RACGAP1: variants seen among roughly 807,000 people sequenced by gnomAD.
RACGAP1 encodes the protein rac GTPase-activating protein 1.
In RACGAP1, 30 loss-of-function variants were observed where a neutral mutation model predicts 78.1. The ratio of observed to expected loss-of-function variants is 0.38; its 90% confidence interval spans 0.29 to 0.52. The LOEUF is 0.52. Ranked by LOEUF, RACGAP1 falls within the 20% of genes least tolerant of loss-of-function variation. The probability of loss-of-function intolerance (pLI) is 0.82; values close to 1 mark genes in which losing one functional copy is unlikely to be tolerated. For synonymous variants in RACGAP1, 231 were observed against 264.8 expected, an observed-to-expected ratio of 0.87 and a Z score of 1.24; for missense variants, 587 against 777.1, an observed-to-expected ratio of 0.76 and a Z score of 2.91.
At chr12:50,030,797 T>TGA (rs1950325975) in intron 2 of RACGAP1, among the ~76,000 whole-genome samples, 3 of 152,032 alleles carry the variant, frequency 2.0e-5, no homozygotes, top group Admixed American at 6.5e-5. Flanking sequence ...TGTGTGTGTG[T>TGA]GAGACGGAGT....
intron 2 of RACGAP1, among the ~76,000 whole-genome samples, chr12:50,009,889 A>G (rs1395552383): frequency 6.6e-6 from 1 of 152,194 alleles, no homozygotes; most frequent in African/African-American, 2.4e-5. Context: ...ATCTTTTCCT[A>G]ATCAGTTTGC....
chr12:50,023,954 G>A (rs1051723975), intron 1 of RACGAP1, among the ~76,000 whole-genome samples: 1 of 152,072 alleles, frequency 6.6e-6, no homozygotes, highest in Non-Finnish European at 1.5e-5. Flanking sequence ...GAGGTCAGTA[G>A]ATCAAGACCA....
intron 2 of RACGAP1, among the ~76,000 whole-genome samples, chr12:50,012,286 C>T (rs1053053271): frequency 3.9e-5 from 6 of 151,996 alleles, no homozygotes; most frequent in South Asian, 4.1e-4. Context: ...AATTGCCAGG[C>T]GCGGTGGCTC....
At chr12:50,013,588 C>T (rs1173927554) in intron 2 of RACGAP1, among the ~76,000 whole-genome samples, 1 of 152,200 alleles carries the variant, frequency 6.6e-6, no homozygotes, top group Non-Finnish European at 1.5e-5. Flanking sequence ...CCAGCATCCA[C>T]CTCTAATGCA....
upstream of RACGAP1, among the ~76,000 whole-genome samples, chr12:50,030,041 C>T (rs537983702): frequency 2.6e-5 from 4 of 151,906 alleles, no homozygotes; most frequent in South Asian, 6.2e-4. Context: ...GAGGCTGAGA[C>T]GACAGGATCA....
chr12:50,011,983 G>T (rs1949367888), intron 2 of RACGAP1, among the ~76,000 whole-genome samples: 1 of 144,934 alleles, frequency 6.9e-6, no homozygotes. Context: ...AAAAAAATTA[G>T]CTGGTGTAGT....
chr12:50,017,410 G>C (rs992296200), intron 1 of RACGAP1, among the ~76,000 whole-genome samples: 1 of 152,196 alleles, frequency 6.6e-6, no homozygotes, highest in South Asian at 2.1e-4. Flanking sequence ...TTCACAGTTC[G>C]AAGGGCAAAG....
chr12:50,024,930 G>A (rs891331970), intron 1 of RACGAP1, among the ~76,000 whole-genome samples: 3 of 152,004 alleles, frequency 2.0e-5, no homozygotes, highest in African/African-American at 7.3e-5. Context: ...TAAGAATCAG[G>A]ATGAGAAGGA....
At chr12:50,030,780 T>TTGTG (rs113580644) in intron 2 of RACGAP1, among the ~76,000 whole-genome samples, 38 of 150,722 alleles carry the variant, frequency 2.5e-4, no homozygotes, top group African/African-American at 7.3e-4. Context: ...TTTATGTCTT[T>TTGTG]TGTGTGTGTG....
intron 7 of RACGAP1, 128 bp downstream of exon 7, chr12:50,001,044 G>A (rs1318373807): frequency 2.0e-5 from 15 of 756,790 alleles, no homozygotes; most frequent in Admixed American, 2.9e-5. Context: ...ACAAAACTCT[G>A]TCTCAAAAAA....
chr12:50,025,142 C>T (rs2137753714), intron 1 of RACGAP1, among the ~76,000 whole-genome samples: 1 of 152,254 alleles, frequency 6.6e-6, no homozygotes, highest in Non-Finnish European at 1.5e-5. Context: ...CCAGCCACCA[C>T]CTCAAAAAGA....
rs370616423 is a variant in RACGAP1 at position 50,006,539 on chromosome 12, T to C, written c.183A>G (p.Ala61=). 5.0e-6 allele frequency: 8 copies of C among 1,614,206 alleles called. No individual in the cohort carries two copies. The highest frequency in any genetic ancestry group is 1.1e-5 in the South Asian group (1 of 91,082). ...CATCCAGAGCACTTCGCTCAGTCTC[T>C]GCTTTCATCAAAAGATCCTTGTATT... ...LGKYKDLLMK[A]ETERSALDVK... The change falls in exon 3 of 17, where the codon GCA becomes GCG. Residue 61 remains alanine, a synonymous_variant. Transcript: ENST00000312377.
chr12:50,005,227 T>C (rs771271156), intron 4 of RACGAP1, 29 bp downstream of exon 4: 62 of 1,612,072 alleles, frequency 3.8e-5, no homozygotes, highest in Non-Finnish European at 4.8e-5. Context: ...TTGCTTGTGA[T>C]AGGATAACAA....
chr12:50,019,487 G>A (rs553117336), intron 1 of RACGAP1, among the ~76,000 whole-genome samples: 2 of 152,172 alleles, frequency 1.3e-5, no homozygotes, highest in East Asian at 1.9e-4. Flanking sequence ...ATGGTCAAAA[G>A]AATTTCCATT....
chr12:50,025,195 C>G, intron 1 of RACGAP1: 1 of 636,648 alleles, frequency 1.6e-6, no homozygotes, highest in Non-Finnish European at 2.0e-6. Flanking sequence ...GACAGAAGCC[C>G]CCGACCCTCC....
intron 1 of RACGAP1, chr12:50,017,065 TATA>T: frequency 3.9e-6 from 4 of 1,030,368 alleles, no homozygotes; most frequent in Non-Finnish European, 4.7e-6. Flanking sequence ...TATTGATTAA[TATA>T]ATAATTTTGC....
chr12:50,025,651 G>T (rs1402433179), upstream of RACGAP1: 8 of 695,468 alleles, frequency 1.2e-5, no homozygotes, highest in Admixed American at 6.3e-5. Context: ...TAATGTCAAC[G>T]GTTTTTCGGT....
At chr12:49,993,433 C>T (rs1054052710) in intron 12 of RACGAP1, among the ~76,000 whole-genome samples, 4 of 152,308 alleles carry the variant, frequency 2.6e-5, no homozygotes, top group Non-Finnish European at 5.9e-5. Context: ...AGTTACTCAT[C>T]CATCAAACTA....
At chr12:49,999,301 G>T in intron 8 of RACGAP1, 30 bp from the exon 9 acceptor site, 1 of 1,584,720 alleles carries the variant, frequency 6.3e-7, no homozygotes, top group Non-Finnish European at 8.5e-7. Context: ...TAAGCTTTGT[G>T]TCTTAAGTAT....
Sources: gnomAD v4.1 joint callset for allele counts (sites outside exome capture counted in the v4.1 genomes callset) on GRCh38, gnomAD v4.1.1 for gene constraint, MANE v1.5 for transcripts, NCBI Gene and HGNC (gene_info 2026-07-23, HGNC 2026-07-21) for gene names.